USP20: variants seen among roughly 807,000 people sequenced by gnomAD.
USP20 encodes ubiquitin carboxyl-terminal hydrolase 20.
A neutral mutation model predicts 124.2 loss-of-function variants in USP20; 80 were observed. The observed-to-expected ratio is 0.64, with a 90% CI of 0.54 to 0.78. The LOEUF is 0.78. Among genes scored for constraint, USP20 ranks in the 30% least tolerant of loss-of-function variants. USP20 has a pLI of 0.00. For missense variants in USP20, 1,043 were observed against 1,244.4 expected (o/e 0.84, Z 2.44); for synonymous variants, 481 against 512.3 (o/e 0.94, Z 0.83).
rs1333632623 is a variant in USP20, at chr9:129,861,526, TTG to T, written c.428-13_428-12del. On this transcript the variant is annotated splice_polypyrimidine_tract_variant and intron_variant, in intron 7 of 25. Coordinates refer to ENST00000372429, the MANE Select transcript of USP20 (RefSeq NM_001110303.4). The stretch of plus-strand genomic sequence containing the variant: ...CAGGGTGCTCACCTGCTCCTCCCCG[TTG>T]TGTTTATTTCCCAGGCCTCACGGGC... 1.2e-6 allele frequency: 2 copies of T among 1,613,736 alleles called. No homozygotes were observed. The highest frequency in any genetic ancestry group is 1.7e-6 in the Non-Finnish European group (2 of 1,179,686).
chr9:129,846,544 C>T (rs188393361), intron 1 of USP20, among the ~76,000 whole-genome samples: 49 of 151,496 alleles, frequency 3.2e-4, no homozygotes, highest in African/African-American at 1.1e-3. Context: ...AGGCATGAGC[C>T]GCCCAACATG....
chr9:129,858,350 G>A (rs932653001), intron 5 of USP20, 117 bp from the exon 6 acceptor site: 52 of 1,484,134 alleles, frequency 3.5e-5, no homozygotes, highest in East Asian at 2.0e-4. Context: ...TTGAGCTTCC[G>A]GCCTCTGTCC....
chr9:129,857,136 A>T (rs1460686371), intron 4 of USP20, among the ~76,000 whole-genome samples: 1 of 151,992 alleles, frequency 6.6e-6, no homozygotes, highest in Admixed American at 6.6e-5. Context: ...GCAGAAGTGC[A>T]GGGGCCTCCA....
At chr9:129,871,024 C>T (rs1484575188) in intron 15 of USP20, among the ~76,000 whole-genome samples, 3 of 152,038 alleles carry the variant, frequency 2.0e-5, no homozygotes, top group Admixed American at 1.3e-4. Flanking sequence ...GTAAAATTTA[C>T]CACCATAACC....
At chr9:129,876,323 C>A in intron 22 of USP20, 85 bp downstream of exon 22, 1 of 1,187,300 alleles carries the variant, frequency 8.4e-7, no homozygotes, top group South Asian at 1.3e-5. Flanking sequence ...GAATCCTGTG[C>A]AGTCCCTGAG....
chr9:129,861,013 A>G lies in USP20; in HGVS notation c.407A>G (p.Asp136Gly). ...VADEGESESE[D>G]DDLKPRGLTG... is the part of the protein sequence containing the mutation. ...GATGAAGGAGAGTCTGAGTCAGAGG[A>G]CGATGACCTGAAACCTCGAGGTAAT... is the stretch of plus-strand genomic sequence containing the variant. Residue 136 changes from aspartate (D) to glycine (G), a missense_variant, in exon 7 of 26, where the codon GAC (aspartate) becomes GGC (glycine). Asp to Gly is a moderately conservative substitution (Grantham distance 94). Coordinates refer to ENST00000372429, the MANE Select transcript of USP20 (RefSeq NM_001110303.4). The G allele has an allele frequency of 6.2e-7, 1 of 1,613,710 alleles. No individual in the cohort carries two copies.
chr9:129,852,153 G>A (rs1348687353), intron 2 of USP20, among the ~76,000 whole-genome samples: 1 of 152,146 alleles, frequency 6.6e-6, no homozygotes, highest in Non-Finnish European at 1.5e-5. Flanking sequence ...GGACGGACAT[G>A]GATTTGGCCT....
Position 129,873,484 on chromosome 9 carries a change from G to A in USP20, c.1663G>A (p.Asp555Asn). 1 of 1,614,154 alleles carries A rather than the reference G, an allele frequency of 6.2e-7. No individual in the cohort carries two copies. The highest frequency in any genetic ancestry group is 8.5e-7 in the Non-Finnish European group (1 of 1,180,032). The change falls in exon 16 of 26, where the codon GAC (aspartate) becomes AAC (asparagine). Residue 555 changes from aspartate to asparagine, a missense_variant and splice_region_variant. Physicochemically the swap from Asp to Asn is conservative, Grantham distance 23. Transcript: ENST00000372429. ...GACCCTTTGTTTTACTGCCCTAGGT[G>A]ACAACATGTACAGCTGTGAGCGGTG... The part of the protein sequence containing the change: ...AFFAADELKG[D>N]NMYSCERCKK...
At chr9:129,851,551 C>T (rs559965580) in intron 2 of USP20, among the ~76,000 whole-genome samples, 15 of 150,448 alleles carry the variant, frequency 1.0e-4, no homozygotes, top group East Asian at 3.8e-4. Flanking sequence ...TTTTAACACA[C>T]GTGTAGATCC....
intron 8 of USP20, among the ~76,000 whole-genome samples, chr9:129,862,757 T>C (rs2033614433): frequency 6.9e-6 from 1 of 145,972 alleles, no homozygotes; most frequent in East Asian, 2.1e-4. Context: ...TACAAAAAAA[T>C]TAGCCAGGCA....
At chr9:129,878,971 T>C (rs2131105498) in intron 23 of USP20, among the ~76,000 whole-genome samples, 1 of 152,346 alleles carries the variant, frequency 6.6e-6, no homozygotes, top group East Asian at 1.9e-4. Context: ...AGCCCACGGT[T>C]CTGCTCACGG....
At position 129,835,483 on chromosome 9, in the gene USP20, C is replaced by A. The variant is rs1276494025; in HGVS notation, c.-145C>A. 3.5e-5 allele frequency: 14 copies of A among 397,876 alleles called. No individual in the cohort carries two copies. The allele number at this position is 397,876 out of a possible 1,614,324, so 24.6% of individuals were successfully genotyped here. A position where few individuals can be genotyped will look rare whatever the true frequency, so the allele number is the denominator to read the frequency against. Reference sequence around the variant, plus strand: ...GCGCTTGACTGACAGGCGGCGGCGGCGCAGTTGCGAGTGCAGGTGAGTTCC... The same window carrying A: ...GCGCTTGACTGACAGGCGGCGGCGGAGCAGTTGCGAGTGCAGGTGAGTTCC... On this transcript the variant is annotated 5_prime_UTR_variant, in exon 1 of 26. Coordinates refer to ENST00000372429, the MANE Select transcript of USP20 (RefSeq NM_001110303.4).
intron 2 of USP20, among the ~76,000 whole-genome samples, chr9:129,850,525 T>C (rs2032853982): frequency 6.6e-6 from 1 of 152,158 alleles, no homozygotes; most frequent in Non-Finnish European, 1.5e-5. Flanking sequence ...ACGTTCTGAA[T>C]GAGAATCTGG....
chr9:129,857,504 T>G (rs1321962022), intron 4 of USP20, among the ~76,000 whole-genome samples: 1 of 151,664 alleles, frequency 6.6e-6, no homozygotes, highest in Non-Finnish European at 1.5e-5. Context: ...GGAGGATGGG[T>G]AGATTTGGGA....
chr9:129,856,495 TGGGGCACA>T, intron 4 of USP20, 135 bp downstream of exon 4: 1 of 1,059,616 alleles, frequency 9.4e-7, no homozygotes, highest in Non-Finnish European at 1.4e-6. Flanking sequence ...AACCTTGGGC[TGGGGCACA>T]GGGGCACAGG....
At position 129,858,461 on chromosome 9, in the gene USP20, C is replaced by T. The variant is rs1443293120; in HGVS notation, c.199-6C>T. On this transcript the variant is annotated splice_polypyrimidine_tract_variant and splice_region_variant and intron_variant, in intron 5 of 25. Coordinates refer to ENST00000372429, the MANE Select transcript of USP20 (RefSeq NM_001110303.4). ...CCTGGACCTTGTTTTGGATATCACC[C>T]TCTAGGCAAAAAAGCACAACTTGAC... 1.9e-6 allele frequency: 3 copies of T among 1,614,088 alleles called. No homozygotes were observed. Among genetic ancestry groups the T allele is most frequent in the Admixed American group, 1.7e-5 (1 of 60,014 alleles).
In USP20 at chr9:129,875,402, G is replaced by T. The variant is rs769143727; in HGVS notation, c.2141G>T (p.Arg714Leu). The T allele has an allele frequency of 1.3e-5, 21 of 1,613,476 alleles. No homozygotes were observed. Among genetic ancestry groups the T allele is most frequent in the Admixed American group, 1.2e-4 (7 of 59,984 alleles). The change falls in exon 20 of 26, where the codon CGC becomes CTC. Residue 714 changes from arginine to leucine, a missense_variant. Transcript: ENST00000372429. ...EPSLLRFYVS[R>L]EWLNKFNTFA... ...AGCCTGCTGCGGTTCTACGTGTCCC[G>T]CGAGTGGCTCAACAAGTTCAACACC...
At chr9:129,857,490 C>A (rs542182065) in intron 4 of USP20, among the ~76,000 whole-genome samples, 1 of 152,268 alleles carries the variant, frequency 6.6e-6, no homozygotes, top group African/African-American at 2.4e-5. Flanking sequence ...ACTGAGCGGG[C>A]CTTGGAGGAT....
intron 1 of USP20, among the ~76,000 whole-genome samples, chr9:129,843,410 A>G (rs1279164534): frequency 6.6e-6 from 1 of 151,760 alleles, no homozygotes; most frequent in African/African-American, 2.4e-5. Flanking sequence ...AGCCTAGGCA[A>G]CAGACTAAGA....
Sources: gnomAD v4.1 joint callset for allele counts (sites outside exome capture counted in the v4.1 genomes callset) on GRCh38, gnomAD v4.1.1 for gene constraint, MANE v1.5 for transcripts, NCBI Gene and HGNC (gene_info 2026-07-23, HGNC 2026-07-21) for gene names.